Variants in PAXIP1 observed in about 807,000 individuals in gnomAD.
PAXIP1 encodes the protein PAX-interacting protein 1.
A neutral mutation model predicts 140.6 loss-of-function variants in PAXIP1; 19 were observed. The observed-to-expected ratio is 0.14, with a 90% confidence interval of 0.09 to 0.20. The LOEUF (loss-of-function observed/expected upper bound fraction) is 0.20. Ranked by LOEUF, PAXIP1 falls within the 10% of genes least tolerant of loss-of-function variation. PAXIP1 has a pLI of 1.00. For missense variants in PAXIP1, 920 were observed against 1,208.6 expected (o/e 0.76, Z 3.54); for synonymous variants, 442 against 444.6 (o/e 0.99, Z 0.07).
chr7:154,944,075 C>G lies in PAXIP1; in HGVS notation c.*74G>C. On this transcript the variant is annotated 3_prime_UTR_variant, in exon 21 of 21. Transcript: ENST00000404141. ...GGAAAACAAGAGCATGTGAAGGAAG[C>G]GCAGCAGCTCCTCGCCAGCCAGACA... 1 of 1,448,606 alleles carries G rather than the reference C, an allele frequency of 6.9e-7. No homozygotes were observed. Among genetic ancestry groups the G allele is most frequent in the Non-Finnish European group, 9.7e-7 (1 of 1,035,344 alleles). The allele number at this position is 1,448,606 out of a possible 1,614,324, so 89.7% of individuals were successfully genotyped here.
At chr7:154,996,525 G>C (rs778543406) in intron 2 of PAXIP1, among the ~76,000 whole-genome samples, 1 of 152,102 alleles carries the variant, frequency 6.6e-6, no homozygotes. Context: ...TATGAATACT[G>C]TGTAAAATGA....
chr7:154,991,643 A>G (rs914150601), intron 3 of PAXIP1, among the ~76,000 whole-genome samples: 1 of 152,180 alleles, frequency 6.6e-6, no homozygotes, highest in Admixed American at 6.5e-5. Context: ...GATCCTTCCT[A>G]TTTCTAAAGC....
At chr7:154,967,755 C>G in intron 8 of PAXIP1, 61 bp downstream of exon 8, 1 of 1,132,364 alleles carries the variant, frequency 8.8e-7, no homozygotes, top group Non-Finnish European at 1.3e-6. Flanking sequence ...AACACAGTTA[C>G]ATCTACATAA....
At chr7:154,977,518 G>C (rs1432769035) in intron 5 of PAXIP1, among the ~76,000 whole-genome samples, 1 of 152,192 alleles carries the variant, frequency 6.6e-6, no homozygotes, top group Non-Finnish European at 1.5e-5. Flanking sequence ...GCCCATCTGG[G>C]AGATCCTTGC....
rs1811012947 is a variant in PAXIP1, at chr7:155,003,098, C to CCCT, written c.-170_-169insAGG. The CCCT allele has an allele frequency of 1.8e-5, 3 of 170,360 alleles. No homozygotes were observed. Among genetic ancestry groups the CCCT allele is most frequent in the Non-Finnish European group, 3.4e-5 (3 of 86,980 alleles). 10.6% of individuals were successfully genotyped at this position (170,360 alleles called of 1,614,324 possible). A position where few individuals can be genotyped will look rare whatever the true frequency, so the allele number is the denominator to read the frequency against. On this transcript the variant is annotated 5_prime_UTR_variant, in exon 1 of 21. Transcript: ENST00000404141. ...CGCTCCCCCGCCCTCCGCGCCCCCG[C>CCCT]CCGCGCCCGCGCCGAGCGCCCGAAG...
At chr7:154,949,715 C>T (rs1381247722) in intron 16 of PAXIP1, 1 of 152,150 alleles carries the variant, frequency 6.6e-6, no homozygotes, top group Non-Finnish European at 1.5e-5. Flanking sequence ...GCCTGGCCAA[C>T]ATGGTGAAAC....
At position 154,963,954 on chromosome 7, in the gene PAXIP1, C is replaced by T. The variant is rs1435576671; in HGVS notation, c.1894-188G>A. 8.4e-5 allele frequency: 47 copies of T among 559,240 alleles called. No individual in the cohort carries two copies. Among genetic ancestry groups the T allele is most frequent in the Non-Finnish European group, 9.7e-6 (3 of 310,370 alleles). The allele number at this position is 559,240 out of a possible 1,614,324, so 34.6% of individuals were successfully genotyped here. On this transcript the variant is annotated intron_variant, in intron 8 of 20. Transcript: ENST00000404141. The surrounding 1 kb of genome is among the most constrained non-coding windows in gnomAD (Gnocchi z 4.1). ...CCCAGCACCATACAATGAAAATGAA[C>T]TCCAATACTCTAAATTTAATCTGAA...
At position 154,986,936 on chromosome 7, in the gene PAXIP1, G is replaced by C. The variant is rs188042651; in HGVS notation, c.325-3604C>G. ...AGAAATTAACCTTTTGGCCATCATTGACCCAGCCACTCCCCTTGGTAAGTT... is the reference window on the plus strand; with the variant it reads ...AGAAATTAACCTTTTGGCCATCATTCACCCAGCCACTCCCCTTGGTAAGTT... On this transcript the variant is annotated intron_variant, in intron 4 of 20. Transcript: ENST00000404141. This position sits in a 1 kb window ranked among gnomAD's most constrained non-coding sequence, Gnocchi z 4.8. 8.1e-4 allele frequency among the ~76,000 whole-genome samples: 123 copies of C among 152,286 alleles called. No individual in the cohort carries two copies. The highest frequency in any genetic ancestry group is 2.8e-3 in the African/African-American group (118 of 41,542).
chr7:154,995,652 C>A (rs986452401), intron 2 of PAXIP1, among the ~76,000 whole-genome samples: 2 of 152,108 alleles, frequency 1.3e-5, no homozygotes, highest in South Asian at 2.1e-4. Flanking sequence ...AGGTTCGAGA[C>A]CAGCCTGGCC....
intron 5 of PAXIP1, among the ~76,000 whole-genome samples, chr7:154,982,891 G>C (rs1272083330): frequency 6.6e-6 from 1 of 152,074 alleles, no homozygotes; most frequent in Non-Finnish European, 1.5e-5. Flanking sequence ...ATGGTGACGG[G>C]AACTAAAAAT....
intron 16 of PAXIP1, among the ~76,000 whole-genome samples, chr7:154,953,207 CAT>C (rs1808349926): frequency 6.6e-6 from 1 of 152,222 alleles, no homozygotes; most frequent in African/African-American, 2.4e-5. Flanking sequence ...TCCACAGCCA[CAT>C]GACTTGCTCT....
At chr7:155,002,259 G>C (rs1196803565) in intron 1 of PAXIP1, among the ~76,000 whole-genome samples, 4 of 152,238 alleles carry the variant, frequency 2.6e-5, no homozygotes, top group Non-Finnish European at 4.4e-5. Context: ...GGAAAATCAA[G>C]GAAGACGAAT....
At position 154,968,409 on chromosome 7, in the gene PAXIP1, C is replaced by T. The variant is rs1316428632; in HGVS notation, c.1792G>A (p.Val598Met). 6.5e-7 allele frequency: 1 copy of T among 1,546,594 alleles called. No individual in the cohort carries two copies. The highest frequency in any genetic ancestry group is 1.2e-5 in the South Asian group (1 of 83,428). The change falls in exon 7 of 21, where the codon GTG becomes ATG. Residue 598 changes from valine (V) to methionine (M), a missense_variant. Coordinates refer to ENST00000404141, the MANE Select transcript of PAXIP1 (RefSeq NM_007349.4). ...QHQLFGHDPAVEIPEEGFLLG... is the reference protein window; with the variant it reads ...QHQLFGHDPAMEIPEEGFLLG... Reference sequence around the variant, plus strand: ...AATAATCTCCATTACTAACTCTCCACTGCTGGATCATGTCCAAAAAGCTGA... The same window carrying T: ...AATAATCTCCATTACTAACTCTCCATTGCTGGATCATGTCCAAAAAGCTGA...
At chr7:154,977,258 C>CA (rs1809623376) in intron 5 of PAXIP1, among the ~76,000 whole-genome samples, 1 of 152,154 alleles carries the variant, frequency 6.6e-6, no homozygotes, top group East Asian at 1.9e-4. Context: ...AGTAATATGA[C>CA]AATAAAGTAA....
intron 5 of PAXIP1, among the ~76,000 whole-genome samples, chr7:154,981,743 TTATA>T (rs1289729890): frequency 1.3e-5 from 2 of 152,302 alleles, no homozygotes; most frequent in East Asian, 3.9e-4. Context: ...ATTAAAGTAT[TTATA>T]TATAGACCTT....
chr7:154,980,448 T>C (rs188047198), intron 5 of PAXIP1, among the ~76,000 whole-genome samples: 60 of 152,360 alleles, frequency 3.9e-4, no homozygotes, highest in African/African-American at 1.4e-3. Flanking sequence ...AGGGTCTCAC[T>C]TTGTTGCCCA....
Position 154,968,408 on chromosome 7 carries a change from A to G in PAXIP1, c.1793T>C (p.Val598Ala). ...QHQLFGHDPA[V>A]EIPEEGFLLG... Reference sequence around the variant, plus strand: ...AAATAATCTCCATTACTAACTCTCCACTGCTGGATCATGTCCAAAAAGCTG... The same window carrying G: ...AAATAATCTCCATTACTAACTCTCCGCTGCTGGATCATGTCCAAAAAGCTG... The change falls in exon 7 of 21, where the codon GTG becomes GCG. Residue 598 changes from valine to alanine, a missense_variant. Transcript: ENST00000404141. 1 of 1,544,732 alleles carries G rather than the reference A, an allele frequency of 6.5e-7. No homozygotes were observed. Among genetic ancestry groups the G allele is most frequent in the South Asian group, 1.2e-5 (1 of 83,450 alleles).
At chr7:154,971,336 C>T (rs1235271413) in intron 6 of PAXIP1, among the ~76,000 whole-genome samples, 1 of 152,222 alleles carries the variant, frequency 6.6e-6, no homozygotes, top group Non-Finnish European at 1.5e-5. Flanking sequence ...GGTCTTCATC[C>T]ACTGCTGACC....
At position 154,946,271 on chromosome 7, in the gene PAXIP1, G is replaced by C; in HGVS notation, c.3194+94C>G. On this transcript the variant is annotated intron_variant, in intron 20 of 20. Coordinates refer to ENST00000404141, the MANE Select transcript of PAXIP1 (RefSeq NM_007349.4). The surrounding 1 kb of genome is among the most constrained non-coding windows in gnomAD (Gnocchi z 4.9). ...CACAATAGCAAAGAAAGGAAAAATG[G>C]CTTGCAAAACAGGAAAGGTACTGCC... The C allele has an allele frequency of 6.3e-7, 1 of 1,581,548 alleles. No homozygotes were observed. The highest frequency in any genetic ancestry group is 8.6e-7 in the Non-Finnish European group (1 of 1,162,924).
Sources: gnomAD v4.1 joint callset for allele counts (sites outside exome capture counted in the v4.1 genomes callset) on GRCh38, gnomAD v4.1.1 for gene constraint, Gnocchi (gnomAD v3.1) non-coding constraint, MANE v1.5 for transcripts, NCBI Gene and HGNC (gene_info 2026-07-23, HGNC 2026-07-21) for gene names.